The following IL18 variants were observed in gnomAD, a reference collection of about 807,000 sequenced individuals.
IL18 encodes the protein interleukin-18.
Under a neutral mutation model 14.2 loss-of-function variants are expected in IL18, and 8 were observed. The observed-to-expected ratio is 0.56, with a 90% confidence interval of 0.33 to 1.01. The LOEUF (loss-of-function observed/expected upper bound fraction) is 1.01. IL18 is among the 50% of genes least tolerant of loss of function. The pLI, the probability that IL18 is intolerant of heterozygous loss-of-function variation, is 0.03. For missense variants in IL18, 166 were observed against 231.1 expected (o/e 0.72, Z 1.83); for synonymous variants, 67 against 71.0 (o/e 0.94, Z 0.28).
chr11:112,143,755 A>C lies in IL18; in HGVS notation c.423T>G (p.Ser141Arg). The C allele has an allele frequency of 6.2e-7, 1 of 1,612,938 alleles. No individual in the cohort carries two copies. The highest frequency in any genetic ancestry group is 8.5e-7 in the Non-Finnish European group (1 of 1,179,064). ...GCATCTTATTATCATGTCCTGGGAC[A>C]CTTCTCTGAAAGAATATGATGTCAC... is the stretch of plus-strand genomic sequence containing the variant. Reference protein sequence around the residue: ...TKSDIIFFQRSVPGHDNKMQF... With the variant: ...TKSDIIFFQRRVPGHDNKMQF... The change falls in exon 6 of 6, where the codon AGT becomes AGG. Residue 141 changes from serine (S) to arginine (R), a missense_variant. Coordinates refer to ENST00000280357, the MANE Select transcript of IL18 (RefSeq NM_001562.4).
intron 5 of IL18, among the ~76,000 whole-genome samples, chr11:112,144,167 TATA>T (rs1338421993): frequency 6.6e-6 from 1 of 152,220 alleles, no homozygotes; most frequent in Non-Finnish European, 1.5e-5. Flanking sequence ...TTCTGTCCTC[TATA>T]ATAACCATTC....
intron 1 of IL18, among the ~76,000 whole-genome samples, chr11:112,162,945 G>C (rs970890692): frequency 5.9e-5 from 9 of 152,036 alleles, no homozygotes; most frequent in South Asian, 2.1e-4. Context: ...ACACACCCAG[G>C]TAATTTTTTA....
intron 1 of IL18, among the ~76,000 whole-genome samples, chr11:112,157,272 T>C (rs965360860): frequency 3.3e-5 from 5 of 152,218 alleles, no homozygotes; most frequent in Non-Finnish European, 7.3e-5. Flanking sequence ...TACACACATA[T>C]TTATCAAACT....
intron 2 of IL18, among the ~76,000 whole-genome samples, 161 bp downstream of exon 2, chr11:112,154,811 ATGT>A (rs1199670662): frequency 1.3e-5 from 2 of 152,284 alleles, no homozygotes; most frequent in South Asian, 2.1e-4. Flanking sequence ...GACCTTGGAC[ATGT>A]TGTGGTTAAT....
At chr11:112,153,754 A>G (rs1866487005) in intron 2 of IL18, among the ~76,000 whole-genome samples, 151 bp from the exon 3 acceptor site, 1 of 152,118 alleles carries the variant, frequency 6.6e-6, no homozygotes, top group Admixed American at 6.6e-5. Context: ...TCATCAGAAT[A>G]TTATATAATC....
chr11:112,157,098 T>C (rs1866547317), intron 1 of IL18, among the ~76,000 whole-genome samples: 2 of 152,196 alleles, frequency 1.3e-5, no homozygotes, highest in South Asian at 2.1e-4. Context: ...GCTTCATTGC[T>C]GAACAAGGCC....
At chr11:112,154,881 CAA>C (rs1866506227) in intron 2 of IL18, 92 bp downstream of exon 2, 1 of 746,548 alleles carries the variant, frequency 1.3e-6, no homozygotes, top group Admixed American at 2.8e-5. Context: ...AATTTGGTGA[CAA>C]AAAGAGTCAC....
chr11:112,145,141 C>T (rs1208551802), intron 5 of IL18, among the ~76,000 whole-genome samples: 4 of 152,100 alleles, frequency 2.6e-5, no homozygotes, highest in African/African-American at 9.7e-5. Flanking sequence ...GCCTGAAAGA[C>T]TCTGGATGGC....
intron 1 of IL18, among the ~76,000 whole-genome samples, chr11:112,160,779 T>G (rs1866618694): frequency 6.6e-6 from 1 of 152,226 alleles, no homozygotes; most frequent in South Asian, 2.1e-4. Context: ...AACAGAATTT[T>G]AAAAATAGAA....
chr11:112,144,149 A>C (rs966101432), intron 5 of IL18, among the ~76,000 whole-genome samples: 18 of 152,194 alleles, frequency 1.2e-4, no homozygotes, highest in African/African-American at 3.4e-4. Flanking sequence ...TTTTGGGCTA[A>C]TGTCAATTTC....
chr11:112,156,317 G>A (rs5744242), intron 1 of IL18, among the ~76,000 whole-genome samples: 8 of 152,130 alleles, frequency 5.3e-5, no homozygotes, highest in African/African-American at 1.9e-4. Flanking sequence ...CTCCCAAAGT[G>A]CTTGAGATTA....
chr11:112,160,079 C>A (rs186668362), intron 1 of IL18, among the ~76,000 whole-genome samples: 8 of 152,226 alleles, frequency 5.3e-5, no homozygotes, highest in Admixed American at 5.2e-4. Flanking sequence ...ATTCTTAACT[C>A]CTTTGTCTAA....
At chr11:112,144,072 C>T (rs1213228645) in intron 5 of IL18, among the ~76,000 whole-genome samples, 1 of 152,166 alleles carries the variant, frequency 6.6e-6, no homozygotes, top group Non-Finnish European at 1.5e-5. Context: ...TTACTTCTCT[C>T]CTCTCCCATT....
chr11:112,156,493 C>T (rs934600665), intron 1 of IL18, among the ~76,000 whole-genome samples: 6 of 151,824 alleles, frequency 4.0e-5, no homozygotes, highest in Admixed American at 6.6e-5. Flanking sequence ...TGCAGTGGCA[C>T]GATCTCAGCT....
intron 2 of IL18, among the ~76,000 whole-genome samples, chr11:112,154,579 T>C (rs1866501162): frequency 1.3e-5 from 2 of 152,128 alleles, no homozygotes; most frequent in Admixed American, 1.3e-4. Context: ...TTCACAGAAC[T>C]CTAAATTTAG....
At chr11:112,149,918 G>A (rs1468214442) in intron 4 of IL18, among the ~76,000 whole-genome samples, 154 bp downstream of exon 4, 1 of 152,150 alleles carries the variant, frequency 6.6e-6, no homozygotes, top group Non-Finnish European at 1.5e-5. Flanking sequence ...ACTAAAAAAC[G>A]TGGATGCCTT....
At chr11:112,155,102 G>T (rs764661045) in intron 1 of IL18, 41 bp from the exon 2 acceptor site, 3 of 1,297,552 alleles carry the variant, frequency 2.3e-6, no homozygotes, top group Admixed American at 3.4e-5. Context: ...GACAATGATT[G>T]TACCTTTTAC....
intron 1 of IL18, among the ~76,000 whole-genome samples, chr11:112,159,074 C>T (rs1184952256): frequency 3.3e-5 from 5 of 152,110 alleles, no homozygotes; most frequent in African/African-American, 9.6e-5. Context: ...GGATCTGGTC[C>T]GTGTGCAGTG....
chr11:112,154,449 C>A (rs1231779068), intron 2 of IL18, among the ~76,000 whole-genome samples: 1 of 151,754 alleles, frequency 6.6e-6, no homozygotes, highest in African/African-American at 2.4e-5. Context: ...TTGCTTGAAC[C>A]CAGGAGGTGG....
Sources: gnomAD v4.1 joint callset for allele counts (sites outside exome capture counted in the v4.1 genomes callset) on GRCh38, gnomAD v4.1.1 for gene constraint, MANE v1.5 for transcripts, NCBI Gene and HGNC (gene_info 2026-07-23, HGNC 2026-07-21) for gene names.